Variants in PSD3 observed in about 807,000 individuals in gnomAD.
PSD3 encodes the protein pleckstrin and Sec7 domain containing 3, also known as PH and SEC7 domain-containing protein 3.
Under a neutral mutation model 105.5 loss-of-function variants are expected in PSD3, and 49 were observed. The ratio of observed to expected loss-of-function variants is 0.46; its 90% CI spans 0.37 to 0.59. The LOEUF is 0.59. PSD3 is among the 20% of genes least tolerant of loss of function. The pLI, the probability that PSD3 is intolerant of heterozygous loss-of-function variation, is 0.00. For missense variants in PSD3, 1,561 were observed against 1,263.8 expected (o/e 1.24, Z -3.57); for synonymous variants, 557 against 457.8 (o/e 1.22, Z -2.77).
intron 9 of PSD3, among the ~76,000 whole-genome samples, chr8:18,740,308 C>G (rs1458653440): frequency 6.6e-6 from 1 of 152,168 alleles, no homozygotes; most frequent in Non-Finnish European, 1.5e-5. Flanking sequence ...GCAACCTACT[C>G]TCTCTCTCCT....
At position 18,788,642 on chromosome 8, in the gene PSD3, T is replaced by C. The variant is rs79006096; in HGVS notation, c.2082+10653A>G. 9.2e-5 allele frequency among the ~76,000 whole-genome samples: 14 copies of C among 152,290 alleles called. No homozygotes were observed. The East Asian group carries it at 2.7e-3, about 29-fold the overall frequency. On this transcript the variant is annotated intron_variant, in intron 8 of 15. Coordinates refer to ENST00000327040, the MANE Select transcript of PSD3 (RefSeq NM_015310.4). ...CTGGAAGCTTTGCGGAAAACGTGCTTTTGGAGAAACTAAAAGCCCTCATCA... is the reference window on the plus strand; with the variant it reads ...CTGGAAGCTTTGCGGAAAACGTGCTCTTGGAGAAACTAAAAGCCCTCATCA...
intron 9 of PSD3, among the ~76,000 whole-genome samples, chr8:18,763,284 A>T (rs1355092772): frequency 1.3e-5 from 2 of 152,218 alleles, no homozygotes; most frequent in Non-Finnish European, 2.9e-5. Context: ...AACCTAATAA[A>T]GGTCATAATT....
chr8:18,582,856 C>T (rs111277956), intron 12 of PSD3, among the ~76,000 whole-genome samples: 1,575 of 139,634 alleles, frequency 0.011, 35 homozygotes, highest in African/African-American at 0.043. Context: ...GACAGAGTCT[C>T]GCTCTGTCAC....
chr8:18,869,235 G>T (rs1352160241), intron 3 of PSD3, among the ~76,000 whole-genome samples: 1 of 138,322 alleles, frequency 7.2e-6, no homozygotes, highest in Non-Finnish European at 1.5e-5. Context: ...TATCACCTAG[G>T]CTGGGGTGCA....
At chr8:18,536,165 G>C (rs565232109) in intron 15 of PSD3, among the ~76,000 whole-genome samples, 1 of 152,312 alleles carries the variant, frequency 6.6e-6, no homozygotes, top group South Asian at 2.1e-4. Context: ...AATTAAGTTA[G>C]AATTTTAGTT....
At chr8:19,052,656 G>A (rs1828571371) in intron 1 of PSD3, among the ~76,000 whole-genome samples, 1 of 152,108 alleles carries the variant, frequency 6.6e-6, no homozygotes, top group African/African-American at 2.4e-5. Context: ...AGCTAATTCG[G>A]AAGTCCAAGT....
intron 9 of PSD3, among the ~76,000 whole-genome samples, chr8:18,752,538 TATATATATTATATATA>T (rs1563225229): frequency 2.9e-5 from 1 of 34,386 alleles, no homozygotes; most frequent in Non-Finnish European, 4.4e-5. Flanking sequence ...AATTATATAT[TATATATATTATATATA>T]ATTATATATA....
rs559638661 is a variant in PSD3 at position 18,727,989 on chromosome 8, C to T, written c.2172+37460G>A. Reference sequence around the variant, plus strand: ...CAGGGATTTTTCACTGTTATATCTTCACCACCTAGATCAATGCCTGAAGAC... The same window carrying T: ...CAGGGATTTTTCACTGTTATATCTTTACCACCTAGATCAATGCCTGAAGAC... On this transcript the variant is annotated intron_variant, in intron 9 of 15. Coordinates refer to ENST00000327040, the MANE Select transcript of PSD3 (RefSeq NM_015310.4). Among the ~76,000 whole-genome samples the T allele has an allele frequency of 2.6e-5, 4 of 152,062 alleles. 1 individual carries two copies. The South Asian group carries it at 8.3e-4, about 32-fold the overall frequency.
In PSD3 at chr8:18,674,872, G is replaced by A. The variant is rs578109639; in HGVS notation, c.2173-19187C>T. Among the ~76,000 whole-genome samples the A allele has an allele frequency of 6.6e-5, 10 of 152,112 alleles. 1 individual carries two copies. In the South Asian group the frequency reaches 2.1e-3, roughly 32 times the overall value. On this transcript the variant is annotated intron_variant, in intron 9 of 15. Coordinates refer to ENST00000327040, the MANE Select transcript of PSD3 (RefSeq NM_015310.4). ...AAAAGTTAAAATATTAGCCTGGAGT[G>A]GTGACATGTGCCTAGTTACTCAGGA...
At chr8:18,726,034 T>C (rs1285042734) in intron 9 of PSD3, among the ~76,000 whole-genome samples, 1 of 152,172 alleles carries the variant, frequency 6.6e-6, no homozygotes, top group Non-Finnish European at 1.5e-5. Flanking sequence ...AAGCCATACT[T>C]ATCTCTCAGC....
At position 18,830,674 on chromosome 8, in the gene PSD3, C is replaced by T. The variant is rs73666730; in HGVS notation, c.1635-25776G>A. 6.9e-3 allele frequency among the ~76,000 whole-genome samples: 1,058 copies of T among 152,254 alleles called. 13 individuals are homozygous for T. Among genetic ancestry groups the T allele is most frequent in the African/African-American group, 0.023 (936 of 41,546 alleles). ...TGAGTTACCTAAAGAACAACATGGT[C>T]GCGAAAGGAGATAAAAAGACTGCAG... is the stretch of plus-strand genomic sequence containing the variant. On this transcript the variant is annotated intron_variant, in intron 4 of 15. Transcript: ENST00000327040.
At chr8:18,800,437 G>A (rs1810578349) in intron 7 of PSD3, among the ~76,000 whole-genome samples, 1 of 152,146 alleles carries the variant, frequency 6.6e-6, no homozygotes, top group African/African-American at 2.4e-5. Context: ...AAACTATCCA[G>A]GTTAACTGGC....
intron 1 of PSD3, among the ~76,000 whole-genome samples, chr8:19,003,279 GAGGATTGTTTGAGGCC>G (rs1025403648): frequency 6.6e-6 from 1 of 151,954 alleles, no homozygotes; most frequent in Non-Finnish European, 1.5e-5. Context: ...GCTGAGGGAG[GAGGATTGTTTGAGGCC>G]AGGAGTTGAA....
At chr8:18,950,608 A>G (rs1823175051) in intron 1 of PSD3, among the ~76,000 whole-genome samples, 1 of 152,186 alleles carries the variant, frequency 6.6e-6, no homozygotes, top group Non-Finnish European at 1.5e-5. Flanking sequence ...TAGAGCCCAC[A>G]TACAAGTGAG....
At chr8:18,869,477 C>T (rs1466048284) in intron 3 of PSD3, among the ~76,000 whole-genome samples, 1 of 152,078 alleles carries the variant, frequency 6.6e-6, no homozygotes, top group East Asian at 1.9e-4. Flanking sequence ...CCATGCCAAG[C>T]CTCCCCTGCT....
intron 9 of PSD3, among the ~76,000 whole-genome samples, chr8:18,680,547 G>A (rs372082382): frequency 8.5e-5 from 13 of 152,134 alleles, no homozygotes; most frequent in African/African-American, 2.9e-4. Context: ...AATGAATGCC[G>A]GTCTCCACGA....
intron 9 of PSD3, among the ~76,000 whole-genome samples, chr8:18,752,634 A>AT (rs1563225908): frequency 1.4e-5 from 1 of 70,348 alleles, no homozygotes; most frequent in East Asian, 4.0e-4. Context: ...ATTATATATA[A>AT]TATATATAAT....
intron 9 of PSD3, among the ~76,000 whole-genome samples, chr8:18,737,770 G>A (rs1804262907): frequency 6.6e-6 from 1 of 152,068 alleles, no homozygotes; most frequent in Admixed American, 6.5e-5. Flanking sequence ...TAACTTTAAA[G>A]ACATTATTTC....
intron 12 of PSD3, among the ~76,000 whole-genome samples, chr8:18,587,186 A>G (rs1286190971): frequency 6.6e-6 from 1 of 151,926 alleles, no homozygotes; most frequent in Admixed American, 6.6e-5. Context: ...ACAACATGGC[A>G]CTCCCAGGTC....
Sources: allele counts gnomAD v4.1 joint callset (sites outside exome capture counted in the v4.1 genomes callset), GRCh38; gene constraint gnomAD v4.1.1; transcripts MANE v1.5; gene names NCBI Gene and HGNC (gene_info 2026-07-23, HGNC 2026-07-21).